The following CELF2 variants were observed in gnomAD, a reference collection of about 807,000 sequenced individuals.
CELF2 encodes the protein CUGBP Elav-like family member 2, also known as CUG triplet repeat RNA-binding protein 2.
CELF2 carries 8 observed loss-of-function variants against 62.6 expected under a neutral mutation model. That is an observed-to-expected ratio of 0.13 (90% CI 0.07 to 0.23). The LOEUF (loss-of-function observed/expected upper bound fraction) is 0.23. Among genes scored for constraint, CELF2 ranks in the 10% least tolerant of loss-of-function variants. CELF2 has a pLI of 1.00. For synonymous variants in CELF2, 258 were observed against 250.0 expected, an observed-to-expected ratio of 1.03 and a Z score of -0.30; for missense variants, 333 against 671.0, an observed-to-expected ratio of 0.50 and a Z score of 5.56.
At chr10:10,574,872 G>GCTTTTTT in the CELF2 span, among the ~76,000 whole-genome samples, 6 of 106,010 alleles carry the variant, frequency 5.7e-5, 1 homozygote, top group African/African-American at 1.6e-4. Flanking sequence ...ACCATGCCTG[G>GCTTTTTT]TTTTTTTTTT....
At chr10:11,127,049 C>G (rs1265257208) in intron 1 of CELF2, among the ~76,000 whole-genome samples, 4 of 152,008 alleles carry the variant, frequency 2.6e-5, no homozygotes, top group African/African-American at 9.7e-5. Context: ...GTCTGCCAGC[C>G]CCCCGCCTCA....
In CELF2 at chr10:11,305,244, G is replaced by A. The variant is rs567586450; in HGVS notation, c.977-8895G>A. ...GTGGAGCTCAGGTCCTTGCCTCTCT[G>A]GAAATTTATTTGAGTTGGTTTGAGA... On this transcript the variant is annotated intron_variant, in intron 9 of 12. Transcript: ENST00000633077. The surrounding 1 kb of genome is among the most constrained non-coding windows in gnomAD (Gnocchi z 4.8). Among the ~76,000 whole-genome samples, 5 of 152,280 alleles carry A rather than the reference G, an allele frequency of 3.3e-5. No homozygotes were observed. The South Asian group carries it at 1.0e-3, about 32-fold the overall frequency.
At chr10:10,717,295 A>C in the CELF2 span, among the ~76,000 whole-genome samples, 1 of 152,090 alleles carries the variant, frequency 6.6e-6, no homozygotes, top group Non-Finnish European at 1.5e-5. Context: ...GCCTTTGGAA[A>C]TTTTTTTAAC....
At chr10:11,215,326 C>T (rs367939224) in intron 2 of CELF2, among the ~76,000 whole-genome samples, 3 of 152,178 alleles carry the variant, frequency 2.0e-5, no homozygotes, top group Non-Finnish European at 2.9e-5. Flanking sequence ...ACTCCATTTA[C>T]GTCATCATTG....
intron 1 of CELF2, among the ~76,000 whole-genome samples, chr10:11,021,174 G>A (rs1304080922): frequency 6.6e-6 from 1 of 152,088 alleles, no homozygotes; most frequent in Non-Finnish European, 1.5e-5. Flanking sequence ...AATAAATAAA[G>A]TCTCAGAAAT....
the CELF2 span, among the ~76,000 whole-genome samples, chr10:10,487,984 C>A: frequency 6.6e-6 from 1 of 151,850 alleles, no homozygotes; most frequent in Non-Finnish European, 1.5e-5. Flanking sequence ...ATGATTGTTA[C>A]ATAAAAATGT....
chr10:11,221,107 T>C (rs2064737243), intron 3 of CELF2, among the ~76,000 whole-genome samples: 1 of 152,266 alleles, frequency 6.6e-6, no homozygotes, highest in African/African-American at 2.4e-5. Flanking sequence ...TGAGTGTATC[T>C]GCACAGGCTG....
the CELF2 span, among the ~76,000 whole-genome samples, chr10:10,665,764 GGA>G: frequency 6.6e-6 from 1 of 152,172 alleles, no homozygotes; most frequent in Admixed American, 6.6e-5. Flanking sequence ...TCCAGGAGAT[GGA>G]GTTAGAAACA....
chr10:10,742,629 A>G, the CELF2 span, among the ~76,000 whole-genome samples: 1 of 151,902 alleles, frequency 6.6e-6, no homozygotes, highest in Admixed American at 6.6e-5. Flanking sequence ...CTCAGGTGAA[A>G]TTAACTTGGA....
At chr10:10,471,085 C>G in the CELF2 span, among the ~76,000 whole-genome samples, 2 of 151,252 alleles carry the variant, frequency 1.3e-5, no homozygotes, top group Admixed American at 6.6e-5. Context: ...TTCATTATTG[C>G]TGATTTTTAA....
At chr10:10,690,622 A>C in the CELF2 span, among the ~76,000 whole-genome samples, 1 of 152,270 alleles carries the variant, frequency 6.6e-6, no homozygotes, top group East Asian at 1.9e-4. Flanking sequence ...GTGCATGCCT[A>C]TAATCTCAGC....
At chr10:11,113,447 G>A (rs1276192226) in intron 1 of CELF2, among the ~76,000 whole-genome samples, 2 of 152,154 alleles carry the variant, frequency 1.3e-5, no homozygotes, top group Non-Finnish European at 2.9e-5. Flanking sequence ...AGGGAATATA[G>A]AAACATATCA....
chr10:10,796,900 C>T (rs940268297), upstream of CELF2: 1 of 985,088 alleles, frequency 1.0e-6, no homozygotes, highest in Non-Finnish European at 1.2e-6. Flanking sequence ...GATTTTTGTA[C>T]GAGGTATGAA....
rs993700797 is a variant in CELF2, at chr10:11,318,538, C to T, written c.1097-2651C>T. 2.8e-6 allele frequency: 1 copy of T among 362,222 alleles called. No individual in the cohort carries two copies. Among genetic ancestry groups the T allele is most frequent in the Non-Finnish European group, 5.5e-6 (1 of 182,246 alleles). 22.4% of individuals were successfully genotyped at this position (362,222 alleles called of 1,614,324 possible). On this transcript the variant is annotated intron_variant, in intron 10 of 12. Coordinates refer to ENST00000633077, the MANE Select transcript of CELF2 (RefSeq NM_001326342.2). The surrounding 1 kb of genome is among the most constrained non-coding windows in gnomAD (Gnocchi z 5.4). ...AGCAGATTAGCTCTGAGGTGTAGTC[C>T]AGAGACACAGCCAGCCTCTGTGAAG...
At chr10:10,930,748 C>T (rs554597669) in intron 2 of CELF2, among the ~76,000 whole-genome samples, 81 of 152,252 alleles carry the variant, frequency 5.3e-4, no homozygotes, top group Non-Finnish European at 1.0e-3. Context: ...TTTTCCATAA[C>T]CTTTTGCCAT....
chr10:10,517,472 T>C, the CELF2 span, among the ~76,000 whole-genome samples: 1 of 152,172 alleles, frequency 6.6e-6, no homozygotes, highest in South Asian at 2.1e-4. Context: ...GCTCCATTCA[T>C]AACAAATAAC....
intron 1 of CELF2, among the ~76,000 whole-genome samples, chr10:11,133,149 A>G (rs1157432955): frequency 6.6e-6 from 1 of 152,236 alleles, no homozygotes; most frequent in Admixed American, 6.5e-5. Flanking sequence ...CAGGAAACAT[A>G]AAAGTCTAGG....
At chr10:11,144,900 GAAAAAAAAA>G (rs397846995) in intron 1 of CELF2, among the ~76,000 whole-genome samples, 1 of 74,114 alleles carries the variant, frequency 1.3e-5, no homozygotes, top group Non-Finnish European at 2.5e-5. Context: ...TCAGGAAACA[GAAAAAAAAA>G]AAAAAAAAAA....
the CELF2 span, among the ~76,000 whole-genome samples, chr10:10,515,453 A>G: frequency 6.6e-6 from 1 of 152,226 alleles, no homozygotes; most frequent in Non-Finnish European, 1.5e-5. Context: ...GGTATATAGT[A>G]GTTGAATATT....
Sources: allele counts gnomAD v4.1 joint callset (sites outside exome capture counted in the v4.1 genomes callset), GRCh38; gene constraint gnomAD v4.1.1; non-coding constraint Gnocchi (gnomAD v3.1); transcripts MANE v1.5; gene names NCBI Gene and HGNC (gene_info 2026-07-23, HGNC 2026-07-21).